The following CDYL variants were observed in gnomAD, a reference collection of about 807,000 sequenced individuals.
CDYL encodes the protein chromodomain Y like.
Under a neutral mutation model 47.3 loss-of-function variants are expected in CDYL, and 8 were observed. The observed-to-expected ratio is 0.17, with a 90% CI of 0.10 to 0.31. The LOEUF is 0.31. Among genes scored for constraint, CDYL ranks in the 10% least tolerant of loss-of-function variants. CDYL has a pLI of 1.00. For synonymous variants in CDYL, 266 were observed against 265.0 expected (o/e 1.00, Z -0.04); for missense variants, 471 against 701.4 (o/e 0.67, Z 3.71).
chr6:4,836,671 T>C (rs1463382213), intron 1 of CDYL, among the ~76,000 whole-genome samples: 1 of 152,086 alleles, frequency 6.6e-6, no homozygotes, highest in Admixed American at 6.5e-5. Flanking sequence ...CAAGGAAAAA[T>C]GTGCAAAGGA....
At chr6:4,709,466 G>A (rs1010702194) in intron 1 of CDYL, among the ~76,000 whole-genome samples, 1 of 152,136 alleles carries the variant, frequency 6.6e-6, no homozygotes, top group Non-Finnish European at 1.5e-5. Context: ...AAAGTGCTGG[G>A]ATTACAGGCG....
At position 4,910,897 on chromosome 6, in the gene CDYL, G is replaced by T. The variant is rs576382947; in HGVS notation, c.691+18518G>T. ...CGCCCAGGCTGGAGTGCAGTGGCACGACCTCGGCTCACTGCAAGCTCCACC... is the reference window on the plus strand; with the variant it reads ...CGCCCAGGCTGGAGTGCAGTGGCACTACCTCGGCTCACTGCAAGCTCCACC... On this transcript the variant is annotated intron_variant, in intron 2 of 6. Transcript: ENST00000397588. Among the ~76,000 whole-genome samples, 466 of 151,572 alleles carry T rather than the reference G, an allele frequency of 3.1e-3. 1 individual carries two copies. The highest frequency in any genetic ancestry group is 0.011 in the African/African-American group (449 of 41,262).
chr6:4,799,316 CAGTATATGGTCTGTCTT>C (rs1327248917), intron 1 of CDYL, among the ~76,000 whole-genome samples: 1 of 151,924 alleles, frequency 6.6e-6, no homozygotes, highest in Non-Finnish European at 1.5e-5. Context: ...TTTTATGGCC[CAGTATATGGTCTGTCTT>C]GGTGAATGTT....
intron 1 of CDYL, among the ~76,000 whole-genome samples, chr6:4,841,954 TTTATATTAATA>T (rs929782708): frequency 3.3e-4 from 48 of 146,808 alleles, no homozygotes; most frequent in Non-Finnish European, 5.5e-4. Context: ...CTTTGTTGAC[TTTATATTAATA>T]TTATATTAAT....
chr6:4,760,950 G>A (rs147588927), intron 3 of CDYL, among the ~76,000 whole-genome samples: 11 of 151,732 alleles, frequency 7.2e-5, no homozygotes, highest in African/African-American at 2.4e-4. Flanking sequence ...CCTATTCCTT[G>A]TAGTGGAAAT....
At chr6:4,790,196 G>A (rs1240506318) in intron 1 of CDYL, among the ~76,000 whole-genome samples, 3 of 152,134 alleles carry the variant, frequency 2.0e-5, no homozygotes, top group Admixed American at 2.0e-4. Context: ...TAAGGGTGGT[G>A]GTATTTGAAA....
At chr6:4,717,741 T>C (rs12205365) in intron 2 of CDYL, among the ~76,000 whole-genome samples, 1 of 99,640 alleles carries the variant, frequency 1.0e-5, no homozygotes, top group East Asian at 3.0e-4. Flanking sequence ...AAAAAAAAAA[T>C]TAAAAATTGA....
At chr6:4,844,936 T>C (rs767460083) in intron 1 of CDYL, among the ~76,000 whole-genome samples, 1 of 152,216 alleles carries the variant, frequency 6.6e-6, no homozygotes, top group Non-Finnish European at 1.5e-5. Context: ...ATAAATTGCC[T>C]TTTTCATTCT....
chr6:4,848,757 G>C (rs957839984), intron 1 of CDYL, among the ~76,000 whole-genome samples: 1 of 152,214 alleles, frequency 6.6e-6, no homozygotes, highest in Non-Finnish European at 1.5e-5. Context: ...ATTGAGGGTC[G>C]TGGGCCTTAA....
In CDYL at chr6:4,892,128, G is replaced by T; in HGVS notation, c.440G>T (p.Ser147Ile). The stretch of plus-strand genomic sequence containing the variant: ...GGTATCAAGATCCTCGTGCCTAAAA[G>T]CCCCGTTAAGAGCAGGACCGCAGTG... ...KSGIKILVPK[S>I]PVKSRTAVDG... is the part of the protein sequence containing the mutation. Residue 147 changes from serine to isoleucine, a missense_variant, in exon 2 of 7, where the codon AGC becomes ATC. Coordinates refer to ENST00000397588, the MANE Select transcript of CDYL (RefSeq NM_004824.4). 1 of 1,614,228 alleles carries T rather than the reference G, an allele frequency of 6.2e-7. No individual in the cohort carries two copies. The highest frequency in any genetic ancestry group is 8.5e-7 in the Non-Finnish European group (1 of 1,180,046).
At chr6:4,799,954 T>G (rs1409482037) in intron 1 of CDYL, among the ~76,000 whole-genome samples, 2 of 152,200 alleles carry the variant, frequency 1.3e-5, no homozygotes, top group African/African-American at 4.8e-5. Context: ...AGTAATACTT[T>G]TCGAAGTCTA....
intron 2 of CDYL, among the ~76,000 whole-genome samples, chr6:4,908,548 G>GC (rs1250015477): frequency 1.3e-5 from 2 of 152,098 alleles, no homozygotes; most frequent in African/African-American, 4.8e-5. Flanking sequence ...CTCTCCTCCT[G>GC]CCCCCCACAG....
At chr6:4,935,921 G>C in intron 3 of CDYL, 150 bp downstream of exon 3, 2 of 1,264,722 alleles carry the variant, frequency 1.6e-6, no homozygotes. Flanking sequence ...GAGCAGAGGG[G>C]AAGTTGCGGG....
intron 3 of CDYL, among the ~76,000 whole-genome samples, chr6:4,749,439 A>AGATG (rs953590073): frequency 6.7e-6 from 1 of 150,122 alleles, no homozygotes; most frequent in African/African-American, 2.5e-5. Flanking sequence ...AATGGATATG[A>AGATG]GATGGATGGA....
At chr6:4,936,101 C>A (rs927334853) in intron 3 of CDYL, among the ~76,000 whole-genome samples, 3 of 152,214 alleles carry the variant, frequency 2.0e-5, no homozygotes, top group African/African-American at 7.2e-5. Flanking sequence ...CATGAAGGCA[C>A]GTGGGAAATG....
intron 5 of CDYL, among the ~76,000 whole-genome samples, chr6:4,951,358 T>C (rs1430323085): frequency 6.6e-6 from 1 of 152,064 alleles, no homozygotes; most frequent in African/African-American, 2.4e-5. Flanking sequence ...TGTGCACCCC[T>C]TCCCGCCTTA....
chr6:4,841,596 A>G (rs1015798005), intron 1 of CDYL, among the ~76,000 whole-genome samples: 2 of 151,980 alleles, frequency 1.3e-5, no homozygotes, highest in African/African-American at 4.8e-5. Context: ...TTGTGTCACT[A>G]TTATCGTTCA....
chr6:4,715,505 TGAA>T (rs1757237258), intron 1 of CDYL, among the ~76,000 whole-genome samples: 1 of 152,224 alleles, frequency 6.6e-6, no homozygotes, highest in African/African-American at 2.4e-5. Context: ...TATATTGTGG[TGAA>T]GAAGAGCAAG....
At chr6:4,920,462 G>T (rs1757678973) in intron 2 of CDYL, among the ~76,000 whole-genome samples, 1 of 152,188 alleles carries the variant, frequency 6.6e-6, no homozygotes, top group Non-Finnish European at 1.5e-5. Context: ...GGTGTCCCCA[G>T]TGAGACGGGA....
Sources: allele counts gnomAD v4.1 joint callset (sites outside exome capture counted in the v4.1 genomes callset), GRCh38; gene constraint gnomAD v4.1.1; transcripts MANE v1.5; gene names NCBI Gene and HGNC (gene_info 2026-07-23, HGNC 2026-07-21).